The following ITPK1 variants were observed in gnomAD, a reference collection of about 807,000 sequenced individuals.
ITPK1 encodes the protein inositol 1,3,4-trisphosphate 5/6-kinase.
A neutral mutation model predicts 45.3 loss-of-function variants in ITPK1; 21 were observed. The ratio of observed to expected loss-of-function variants is 0.46; its 90% CI spans 0.33 to 0.67. The LOEUF is 0.67. ITPK1 is among the 30% of genes least tolerant of loss of function. The pLI, the probability that ITPK1 is intolerant of heterozygous loss-of-function variation, is 0.02. For missense variants in ITPK1, 474 were observed against 573.5 expected (o/e 0.83, Z 1.77); for synonymous variants, 258 against 253.6 (o/e 1.02, Z -0.16).
chr14:93,064,659 C>CCATT (rs774070387), intron 3 of ITPK1, among the ~76,000 whole-genome samples: 2 of 152,168 alleles, frequency 1.3e-5, no homozygotes, highest in African/African-American at 2.4e-5. Context: ...TACTCTAAGG[C>CCATT]CATTGCATAA....
At chr14:93,018,733 C>T (rs1385788018) in intron 3 of ITPK1, among the ~76,000 whole-genome samples, 12 of 152,136 alleles carry the variant, frequency 7.9e-5, no homozygotes, top group African/African-American at 2.4e-4. Flanking sequence ...GACTTGGCGC[C>T]GGCTCATCCT....
intron 3 of ITPK1, among the ~76,000 whole-genome samples, chr14:93,045,179 C>G (rs753526390): frequency 4.6e-5 from 7 of 152,264 alleles, no homozygotes; most frequent in Non-Finnish European, 4.4e-5. Flanking sequence ...ACCTCCAAGC[C>G]TCACCTCTCA....
chr14:92,943,490 T>C (rs1413038907), intron 10 of ITPK1, among the ~76,000 whole-genome samples: 2 of 152,178 alleles, frequency 1.3e-5, no homozygotes, highest in Admixed American at 6.5e-5. Flanking sequence ...GGGCTAGGCC[T>C]GGAGGGCAGG....
At position 93,035,394 on chromosome 14, in the gene ITPK1, T is replaced by C. The variant is rs572075681; in HGVS notation, c.121-18593A>G. On this transcript the variant is annotated intron_variant, in intron 3 of 10. Coordinates refer to ENST00000267615, the MANE Select transcript of ITPK1 (RefSeq NM_014216.6). ...CAGTCAAAAGCCGACTCAAAGGAGA[T>C]GGCAGGTAAGCTGAGCCTTGAAGGA... Among the ~76,000 whole-genome samples the C allele has an allele frequency of 3.3e-5, 5 of 152,312 alleles. No individual in the cohort carries two copies. In the South Asian group the frequency reaches 1.0e-3, roughly 32 times the overall value.
At chr14:93,005,373 A>T (rs1887559306) in intron 4 of ITPK1, among the ~76,000 whole-genome samples, 1 of 152,176 alleles carries the variant, frequency 6.6e-6, no homozygotes, top group Non-Finnish European at 1.5e-5. Context: ...GTGGTCAGAC[A>T]TGGAGTGCGG....
intron 3 of ITPK1, among the ~76,000 whole-genome samples, chr14:93,049,684 G>GAGC (rs1889925354): frequency 6.9e-6 from 1 of 145,066 alleles, no homozygotes; most frequent in Admixed American, 7.4e-5. Flanking sequence ...GGGGATGCCA[G>GAGC]CCAGAGGCTT....
chr14:92,974,233 G>T (rs1217671997), intron 5 of ITPK1, among the ~76,000 whole-genome samples: 2 of 152,190 alleles, frequency 1.3e-5, no homozygotes, highest in Non-Finnish European at 2.9e-5. Context: ...AGGGGATTTG[G>T]GCGCTTCCGA....
At chr14:93,028,523 C>T (rs1281139423) in intron 3 of ITPK1, among the ~76,000 whole-genome samples, 2 of 152,214 alleles carry the variant, frequency 1.3e-5, no homozygotes, top group African/African-American at 4.8e-5. Context: ...TGTGGGCAGA[C>T]CTGGGCCTTC....
chr14:93,010,386 G>A (rs2057057678), intron 4 of ITPK1, among the ~76,000 whole-genome samples: 1 of 152,218 alleles, frequency 6.6e-6, no homozygotes, highest in Non-Finnish European at 1.5e-5. Context: ...CACATTTGTG[G>A]CAAACGTGAA....
intron 2 of ITPK1, among the ~76,000 whole-genome samples, chr14:93,085,158 A>G (rs1891598417): frequency 6.6e-6 from 1 of 152,278 alleles, no homozygotes; most frequent in Admixed American, 6.5e-5. Context: ...TCCTCCTATT[A>G]ACAGTGCCAG....
At chr14:93,015,801 C>T (rs1328050686) in intron 4 of ITPK1, among the ~76,000 whole-genome samples, 3 of 152,208 alleles carry the variant, frequency 2.0e-5, no homozygotes, top group African/African-American at 7.2e-5. Context: ...CCCGAACACA[C>T]GGGGAGAGAA....
In ITPK1 at chr14:93,032,139, C is replaced by A. The variant is rs1415326097; in HGVS notation, c.121-15338G>T. On this transcript the variant is annotated intron_variant, in intron 3 of 10. Transcript: ENST00000267615. The surrounding 1 kb of genome is among the most constrained non-coding windows in gnomAD (Gnocchi z 4.0). Reference sequence around the variant, plus strand: ...CTGGGGCGGGCGGATCACTTGGGGTCAGGAGTTTGCAACCAGCCTGGGCAA... The same window carrying A: ...CTGGGGCGGGCGGATCACTTGGGGTAAGGAGTTTGCAACCAGCCTGGGCAA... Among the ~76,000 whole-genome samples the A allele has an allele frequency of 6.6e-6, 1 of 152,140 alleles. No individual in the cohort carries two copies. Among genetic ancestry groups the A allele is most frequent in the Non-Finnish European group, 1.5e-5 (1 of 68,036 alleles).
chr14:93,089,313 C>T lies in ITPK1; in HGVS notation c.96-12694G>A, dbSNP rs113452212. Among the ~76,000 whole-genome samples, 887 of 152,232 alleles carry T rather than the reference C, an allele frequency of 5.8e-3. 6 individuals carry two copies. Among genetic ancestry groups the T allele is most frequent in the African/African-American group, 0.019 (797 of 41,526 alleles). On this transcript the variant is annotated intron_variant, in intron 2 of 10. Coordinates refer to ENST00000267615, the MANE Select transcript of ITPK1 (RefSeq NM_014216.6). ...CCCTGGGTCAATCCAGCCCAGAAGCCGGGGGAGCCAGCACCCTGTTCCTCC... is the reference window on the plus strand; with the variant it reads ...CCCTGGGTCAATCCAGCCCAGAAGCTGGGGGAGCCAGCACCCTGTTCCTCC...
chr14:92,947,006 CAGGGGAGGCAA>C (rs1265779041), intron 9 of ITPK1, among the ~76,000 whole-genome samples: 2 of 152,162 alleles, frequency 1.3e-5, no homozygotes, highest in Admixed American at 6.5e-5. Context: ...AGGGAGGACA[CAGGGGAGGCAA>C]AGGTGCTGAG....
At position 93,063,657 on chromosome 14, in the gene ITPK1, A is replaced by G. The variant is rs908681307; in HGVS notation, c.120+12938T>C. ...GCTGGAACTAGGGAGGAGTCACTGG[A>G]CTCTCACCAGGCAGGCAGTCTTCGG... On this transcript the variant is annotated intron_variant, in intron 3 of 10. Coordinates refer to ENST00000267615, the MANE Select transcript of ITPK1 (RefSeq NM_014216.6). This position sits in a 1 kb window ranked among gnomAD's most constrained non-coding sequence, Gnocchi z 4.3. 4.6e-5 allele frequency among the ~76,000 whole-genome samples: 7 copies of G among 151,968 alleles called. No homozygotes were observed. Among genetic ancestry groups the G allele is most frequent in the Non-Finnish European group, 1.0e-4 (7 of 67,980 alleles).
chr14:93,069,940 T>A (rs2749506), intron 3 of ITPK1: 3 of 152,204 alleles, frequency 2.0e-5, no homozygotes, highest in African/African-American at 7.2e-5. Context: ...CGGGAGAACT[T>A]ACTTACTTCC....
intron 2 of ITPK1, among the ~76,000 whole-genome samples, chr14:93,081,374 G>A (rs1891428915): frequency 6.6e-6 from 1 of 151,932 alleles, no homozygotes; most frequent in Non-Finnish European, 1.5e-5. Context: ...AATTTTACAG[G>A]CTCTAAACTG....
At chr14:92,993,138 C>A (rs890466457) in intron 5 of ITPK1, among the ~76,000 whole-genome samples, 2 of 152,228 alleles carry the variant, frequency 1.3e-5, no homozygotes, top group Admixed American at 1.3e-4. Flanking sequence ...GCAGGGGCTG[C>A]CTCCTTGACC....
At chr14:92,991,578 C>T (rs1023252110) in intron 5 of ITPK1, among the ~76,000 whole-genome samples, 2 of 152,138 alleles carry the variant, frequency 1.3e-5, no homozygotes, top group Non-Finnish European at 2.9e-5. Context: ...CTAGGACACA[C>T]CCTGCTTAAA....
Sources: allele counts gnomAD v4.1 joint callset (sites outside exome capture counted in the v4.1 genomes callset), GRCh38; gene constraint gnomAD v4.1.1; non-coding constraint Gnocchi (gnomAD v3.1); transcripts MANE v1.5; gene names NCBI Gene and HGNC (gene_info 2026-07-23, HGNC 2026-07-21).